GPD2: variants seen among roughly 807,000 people sequenced by gnomAD.
GPD2 encodes the protein glycerol-3-phosphate dehydrogenase, mitochondrial.
In GPD2, 54 loss-of-function variants were observed where a neutral mutation model predicts 82.4. That is an observed-to-expected ratio of 0.66 (90% CI 0.53 to 0.82). The LOEUF (loss-of-function observed/expected upper bound fraction) is 0.82, where lower values mean the gene tolerates loss of function less well. Among genes scored for constraint, GPD2 ranks in the 40% least tolerant of loss-of-function variants. The pLI, the probability that GPD2 is intolerant of heterozygous loss-of-function variation, is 0.00. For synonymous variants in GPD2, 288 were observed against 306.1 expected (o/e 0.94, Z 0.62); for missense variants, 748 against 896.2 (o/e 0.83, Z 2.11).
At chr2:156,534,511 G>T (rs1372658529) in intron 6 of GPD2, among the ~76,000 whole-genome samples, 1 of 152,104 alleles carries the variant, frequency 6.6e-6, no homozygotes, top group African/African-American at 2.4e-5. Context: ...ATATCAAAAT[G>T]AGTATCAATA....
At chr2:156,533,692 C>G (rs1685950049) in intron 6 of GPD2, among the ~76,000 whole-genome samples, 1 of 152,178 alleles carries the variant, frequency 6.6e-6, no homozygotes, top group Admixed American at 6.5e-5. Context: ...CAATGTAGGT[C>G]TAGGCATACA....
intron 6 of GPD2, among the ~76,000 whole-genome samples, chr2:156,545,978 C>T (rs768421122): frequency 6.6e-6 from 1 of 152,176 alleles, no homozygotes; most frequent in Non-Finnish European, 1.5e-5. Context: ...AGGATTAAGA[C>T]AAAGTTTTCT....
chr2:156,575,382 ATTTTC>A lies in GPD2; in HGVS notation c.1768-3487_1768-3483del, dbSNP rs1331422330. On this transcript the variant is annotated intron_variant, in intron 13 of 16. Transcript: ENST00000438166. The stretch of plus-strand genomic sequence containing the variant: ...TAGGCAAAATCATTTCAGATATATC[ATTTTC>A]TTTTCTTTTCTTTTCTTTTTTTTTT... Among the ~76,000 whole-genome samples the A allele has an allele frequency of 2.1e-5, 3 of 140,852 alleles. No individual in the cohort carries two copies. In the Admixed American group the frequency reaches 2.2e-4, roughly 10 times the overall value. 92.4% of individuals were successfully genotyped at this position (140,852 alleles called of 152,430 possible). A position where few individuals can be genotyped will look rare whatever the true frequency, so the allele number is the denominator to read the frequency against.
intron 6 of GPD2, among the ~76,000 whole-genome samples, chr2:156,517,043 A>G (rs561387351): frequency 2.6e-5 from 4 of 152,358 alleles, no homozygotes; most frequent in East Asian, 1.9e-4. Context: ...CTGGATGGCT[A>G]TTGCATATGA....
chr2:156,408,659 G>A, the GPD2 span, among the ~76,000 whole-genome samples: 1 of 148,836 alleles, frequency 6.7e-6, no homozygotes, highest in Admixed American at 6.8e-5. Flanking sequence ...AGAATCTCTT[G>A]AGCCTGGAAA....
rs531681906 is a variant in GPD2 at position 156,565,438 on chromosome 2, C to T, written c.1166-3387C>T. The stretch of plus-strand genomic sequence containing the variant: ...GTAAAGCAGGAATTAATCCCCATTC[C>T]ACAGAAGCCATCCAGATTAAATCTA... On this transcript the variant is annotated intron_variant, in intron 9 of 16. Transcript: ENST00000438166. Among the ~76,000 whole-genome samples the T allele has an allele frequency of 7.2e-5, 11 of 152,138 alleles. No individual in the cohort carries two copies. In the East Asian group the frequency reaches 2.1e-3, roughly 29 times the overall value.
In GPD2 at chr2:156,488,927, C is replaced by T. The variant is rs1312981855; in HGVS notation, c.103-7117C>T. Reference sequence around the variant, plus strand: ...AAAGTATTATTACATATTAGATATTCTCCCAATTCCACCAAGATAAAAATT... The same window carrying T: ...AAAGTATTATTACATATTAGATATTTTCCCAATTCCACCAAGATAAAAATT... On this transcript the variant is annotated intron_variant, in intron 2 of 16. Transcript: ENST00000438166. Among the ~76,000 whole-genome samples, 3 of 152,040 alleles carry T rather than the reference C, an allele frequency of 2.0e-5. No individual in the cohort carries two copies. In the East Asian group the frequency reaches 5.8e-4, roughly 29 times the overall value.
chr2:156,471,083 A>G (rs1220190409), intron 1 of GPD2, among the ~76,000 whole-genome samples: 3 of 152,186 alleles, frequency 2.0e-5, no homozygotes, highest in Non-Finnish European at 4.4e-5. Flanking sequence ...TCTAGATCTT[A>G]ATATTGAAAT....
intron 6 of GPD2, among the ~76,000 whole-genome samples, chr2:156,542,457 G>A (rs1305804084): frequency 6.6e-6 from 1 of 152,162 alleles, no homozygotes; most frequent in Admixed American, 6.5e-5. Flanking sequence ...GGAATATTAT[G>A]CTTTTATTTT....
At chr2:156,465,725 T>G (rs1409615618) in intron 1 of GPD2, among the ~76,000 whole-genome samples, 1 of 152,144 alleles carries the variant, frequency 6.6e-6, no homozygotes, top group Non-Finnish European at 1.5e-5. Context: ...AAAAGAGCGT[T>G]TATGCTGCCA....
chr2:156,578,452 C>T lies in GPD2; in HGVS notation c.1768-437C>T, dbSNP rs1432792557. On this transcript the variant is annotated intron_variant, in intron 13 of 16. Coordinates refer to ENST00000438166, the MANE Select transcript of GPD2 (RefSeq NM_000408.5). ...TCAGTTTCTGTGTAAGAATACTCAGCAGTACAAAGAAACAAAATATTGAAA... is the reference window on the plus strand; with the variant it reads ...TCAGTTTCTGTGTAAGAATACTCAGTAGTACAAAGAAACAAAATATTGAAA... Among the ~76,000 whole-genome samples, 4 of 151,942 alleles carry T rather than the reference C, an allele frequency of 2.6e-5. No homozygotes were observed. In the South Asian group the frequency reaches 8.3e-4, roughly 32 times the overall value.
the GPD2 span, among the ~76,000 whole-genome samples, chr2:156,424,200 A>AG: frequency 7.3e-5 from 2 of 27,420 alleles, no homozygotes; most frequent in Non-Finnish European, 3.0e-4. Context: ...CCATTAAATA[A>AG]GGAAAAAAAA....
intron 3 of GPD2, among the ~76,000 whole-genome samples, chr2:156,509,762 C>CTTTTTT: frequency 1.6e-5 from 1 of 64,188 alleles, no homozygotes; most frequent in Non-Finnish European, 3.5e-5. Flanking sequence ...AGAATATGTT[C>CTTTTTT]TTCTTTTTTT....
intron 2 of GPD2, among the ~76,000 whole-genome samples, chr2:156,485,076 G>A (rs1683890404): frequency 6.6e-6 from 1 of 152,212 alleles, no homozygotes; most frequent in Non-Finnish European, 1.5e-5. Context: ...TATCCATGTT[G>A]TCAGCAATGT....
chr2:156,475,596 A>G (rs1683482325), intron 1 of GPD2, among the ~76,000 whole-genome samples: 2 of 152,318 alleles, frequency 1.3e-5, no homozygotes, highest in Admixed American at 1.3e-4. Context: ...ACTTCATTAG[A>G]AAGGGAAAAA....
chr2:156,434,886 G>C (rs879452464), upstream of GPD2, among the ~76,000 whole-genome samples: 17 of 152,148 alleles, frequency 1.1e-4, no homozygotes, highest in Admixed American at 1.3e-4. Context: ...TGATGCTGAT[G>C]CTGCGGGCTC....
chr2:156,579,351 G>C (rs1687945770), intron 15 of GPD2, among the ~76,000 whole-genome samples, 187 bp downstream of exon 15: 1 of 138,040 alleles, frequency 7.2e-6, no homozygotes, highest in South Asian at 2.2e-4. Flanking sequence ...TTTTGAGACA[G>C]AGTCTCACTC....
chr2:156,440,821 C>T (rs2105137796), intron 1 of GPD2, among the ~76,000 whole-genome samples: 1 of 152,300 alleles, frequency 6.6e-6, no homozygotes, highest in South Asian at 2.1e-4. Flanking sequence ...TACTTGTCCC[C>T]AGTTCTGACT....
At chr2:156,431,736 T>C (rs1428318618), upstream of GPD2, among the ~76,000 whole-genome samples, 1 of 152,094 alleles carries the variant, frequency 6.6e-6, no homozygotes, top group Non-Finnish European at 1.5e-5. Context: ...TAGATACTCA[T>C]AAAAAGAATT....
Sources: gnomAD v4.1 joint callset for allele counts (sites outside exome capture counted in the v4.1 genomes callset) on GRCh38, gnomAD v4.1.1 for gene constraint, MANE v1.5 for transcripts, NCBI Gene and HGNC (gene_info 2026-07-23, HGNC 2026-07-21) for gene names.